The following DOK6 variants were observed in gnomAD, a reference collection of about 807,000 sequenced individuals.
DOK6 encodes docking protein 6.
A neutral mutation model predicts 44.0 loss-of-function variants in DOK6; 22 were observed. The ratio of observed to expected loss-of-function variants is 0.50; its 90% CI spans 0.36 to 0.71. The LOEUF is 0.71. Among genes scored for constraint, DOK6 ranks in the 30% least tolerant of loss-of-function variants. The probability of loss-of-function intolerance (pLI) is 0.00; values close to 1 mark genes in which losing one functional copy is unlikely to be tolerated. For missense variants in DOK6, 340 were observed against 416.4 expected (o/e 0.82, Z 1.60); for synonymous variants, 166 against 145.5 (o/e 1.14, Z -1.01).
chr18:69,537,891 A>G (rs1190612994), intron 1 of DOK6, among the ~76,000 whole-genome samples: 2 of 152,194 alleles, frequency 1.3e-5, no homozygotes, highest in African/African-American at 4.8e-5. Flanking sequence ...TGTATCAGAA[A>G]TATGGTTTCC....
chr18:69,562,038 C>T (rs1207466578), intron 1 of DOK6, among the ~76,000 whole-genome samples: 1 of 152,094 alleles, frequency 6.6e-6, no homozygotes, highest in Non-Finnish European at 1.5e-5. Context: ...AATTATCCAC[C>T]AGCAAAGAAT....
intron 1 of DOK6, among the ~76,000 whole-genome samples, chr18:69,490,602 A>C (rs1195016537): frequency 6.6e-6 from 1 of 152,192 alleles, no homozygotes; most frequent in Non-Finnish European, 1.5e-5. Context: ...TCACTTAAAA[A>C]AATCTTAAGA....
chr18:69,566,738 G>A (rs1982993391), intron 2 of DOK6, among the ~76,000 whole-genome samples: 1 of 152,202 alleles, frequency 6.6e-6, no homozygotes, highest in Admixed American at 6.6e-5. Context: ...AGTACAGATG[G>A]AGAAGTATTT....
chr18:69,568,804 C>T (rs9955302), intron 2 of DOK6, among the ~76,000 whole-genome samples: 47,072 of 151,540 alleles, frequency 0.31, 7,674 homozygotes, highest in East Asian at 0.56. Flanking sequence ...TTGTGAACTA[C>T]GCATGAAAGG....
intron 1 of DOK6, among the ~76,000 whole-genome samples, chr18:69,523,320 A>G (rs1981738588): frequency 6.6e-6 from 1 of 152,132 alleles, no homozygotes; most frequent in African/African-American, 2.4e-5. Flanking sequence ...AGAAAAAGTC[A>G]TAATAAATTA....
chr18:69,614,198 T>A (rs1984227968), intron 3 of DOK6, among the ~76,000 whole-genome samples: 1 of 152,110 alleles, frequency 6.6e-6, no homozygotes, highest in Admixed American at 6.5e-5. Context: ...ATCACTAATT[T>A]TTCTAAGAAT....
chr18:69,439,410 C>T (rs960949630), intron 1 of DOK6, among the ~76,000 whole-genome samples: 16 of 152,170 alleles, frequency 1.1e-4, no homozygotes, highest in African/African-American at 3.1e-4. Context: ...AGCTTTGAAG[C>T]CAGGCATTGA....
chr18:69,734,935 A>G (rs1164559053), intron 5 of DOK6, among the ~76,000 whole-genome samples: 3 of 152,172 alleles, frequency 2.0e-5, no homozygotes, highest in African/African-American at 7.2e-5. Flanking sequence ...TACAGACAAG[A>G]AAAAGAGGGC....
rs146295605 is a variant in DOK6 at position 69,437,005 on chromosome 18, A to G, written c.66+35695A>G. ...TTCACCCACTTTTTGATGGGGTTGT[A>G]TGTTTTTTTCTTGTAAATTTGTTCA... On this transcript the variant is annotated intron_variant, in intron 1 of 7. Transcript: ENST00000382713. 2.3e-3 allele frequency among the ~76,000 whole-genome samples: 356 copies of G among 151,884 alleles called. No homozygotes were observed. In the Middle Eastern group the frequency reaches 0.034, roughly 15 times the overall value.
intron 5 of DOK6, among the ~76,000 whole-genome samples, chr18:69,708,778 C>T (rs1345859179): frequency 2.4e-5 from 3 of 126,198 alleles, no homozygotes; most frequent in Non-Finnish European, 4.9e-5. Flanking sequence ...GGCAAAAATC[C>T]GTCTCAAAAA....
chr18:69,638,133 G>A (rs1327238654), intron 3 of DOK6, among the ~76,000 whole-genome samples: 3 of 152,202 alleles, frequency 2.0e-5, no homozygotes, highest in Non-Finnish European at 4.4e-5. Flanking sequence ...AAACATTTTA[G>A]CATGTGTGTC....
intron 5 of DOK6, 95 bp downstream of exon 5, chr18:69,698,688 C>A: frequency 1.6e-6 from 2 of 1,239,814 alleles, no homozygotes; most frequent in East Asian, 2.6e-5. Context: ...ATCATTGCCC[C>A]CAGTGAGCAC....
intron 1 of DOK6, among the ~76,000 whole-genome samples, chr18:69,490,656 T>A (rs777092445): frequency 6.6e-6 from 1 of 152,152 alleles, no homozygotes; most frequent in Non-Finnish European, 1.5e-5. Context: ...ATATAATAAT[T>A]TCCCAAGTAT....
At chr18:69,804,555 G>C (rs1980998139) in intron 7 of DOK6, among the ~76,000 whole-genome samples, 1 of 152,112 alleles carries the variant, frequency 6.6e-6, no homozygotes, top group South Asian at 2.1e-4. Flanking sequence ...TATATGAACT[G>C]TCCATGTTTT....
intron 5 of DOK6, among the ~76,000 whole-genome samples, chr18:69,718,165 C>T (rs114969658): frequency 8.9e-4 from 135 of 152,264 alleles, no homozygotes; most frequent in African/African-American, 3.0e-3. Flanking sequence ...GGGGTGGATT[C>T]GCCTATTCTT....
chr18:69,639,642 T>C (rs571932851), intron 3 of DOK6, among the ~76,000 whole-genome samples: 8 of 152,120 alleles, frequency 5.3e-5, no homozygotes, highest in Non-Finnish European at 1.0e-4. Context: ...TTGTATTCCA[T>C]ACTAGTTAGG....
chr18:69,555,061 T>A (rs1215777452), intron 1 of DOK6, among the ~76,000 whole-genome samples: 1 of 152,196 alleles, frequency 6.6e-6, no homozygotes, highest in East Asian at 1.9e-4. Flanking sequence ...TTCTAATCAA[T>A]TCCTTGGTTT....
rs541497464 is a variant in DOK6 at position 69,458,139 on chromosome 18, C to A, written c.66+56829C>A. ...TGCCATTGCACTCCAGCCTGGGCAA[C>A]AAGAGCAAACCTCCGTGTTACAAAA... On this transcript the variant is annotated intron_variant, in intron 1 of 7. Coordinates refer to ENST00000382713, the MANE Select transcript of DOK6 (RefSeq NM_152721.6). Among the ~76,000 whole-genome samples, 3 of 152,296 alleles carry A rather than the reference C, an allele frequency of 2.0e-5. No homozygotes were observed. The East Asian group carries it at 5.8e-4, about 29-fold the overall frequency.
intron 6 of DOK6, among the ~76,000 whole-genome samples, chr18:69,757,050 G>C (rs1979377450): frequency 6.6e-6 from 1 of 152,142 alleles, no homozygotes; most frequent in South Asian, 2.1e-4. Context: ...TATTTTCTTT[G>C]AACTAATCAT....
Sources: gnomAD v4.1 joint callset for allele counts (sites outside exome capture counted in the v4.1 genomes callset) on GRCh38, gnomAD v4.1.1 for gene constraint, MANE v1.5 for transcripts, NCBI Gene and HGNC (gene_info 2026-07-23, HGNC 2026-07-21) for gene names.